Variants in MRE11 observed in about 807,000 individuals in gnomAD.
MRE11 encodes the protein MRE11 double strand break repair nuclease, also known as double-strand break repair protein MRE11.
A neutral mutation model predicts 91.7 loss-of-function variants in MRE11; 62 were observed. The ratio of observed to expected loss-of-function variants is 0.68; its 90% CI spans 0.55 to 0.84. The LOEUF (loss-of-function observed/expected upper bound fraction) is 0.84. Among genes scored for constraint, MRE11 ranks in the 40% least tolerant of loss-of-function variants. The pLI is 0.00. For missense variants in MRE11, 796 were observed against 852.9 expected, an observed-to-expected ratio of 0.93 and a Z score of 0.83; for synonymous variants, 273 against 271.4, an observed-to-expected ratio of 1.01 and a Z score of -0.06.
intron 18 of MRE11, among the ~76,000 whole-genome samples, chr11:94,432,204 C>T (rs1030385170): frequency 6.6e-6 from 1 of 152,138 alleles, no homozygotes; most frequent in South Asian, 2.1e-4. Flanking sequence ...AGTAAACCTT[C>T]GTGAGCTAAA....
intron 19 of MRE11, among the ~76,000 whole-genome samples, chr11:94,420,817 G>A (rs769982889): frequency 6.6e-6 from 1 of 152,154 alleles, no homozygotes; most frequent in Non-Finnish European, 1.5e-5. Context: ...TGGATCACGA[G>A]GTCAGGAGAT....
intron 11 of MRE11, among the ~76,000 whole-genome samples, chr11:94,463,480 A>G (rs1946475859): frequency 6.6e-6 from 1 of 152,236 alleles, no homozygotes; most frequent in Non-Finnish European, 1.5e-5. Context: ...ACACATGCAC[A>G]CATGTGTTTA....
At chr11:94,490,101 G>T (rs13447594) in intron 3 of MRE11, among the ~76,000 whole-genome samples, 49 of 152,130 alleles carry the variant, frequency 3.2e-4, no homozygotes, top group Non-Finnish European at 5.4e-4. Flanking sequence ...ATTATACTCC[G>T]CTGCCAAAAG....
At position 94,445,843 on chromosome 11, in the gene MRE11, C is replaced by T. The variant is rs371719012; in HGVS notation, c.1834G>A (p.Val612Met). 4.3e-6 allele frequency: 7 copies of T among 1,613,616 alleles called. No individual in the cohort carries two copies. In the East Asian group the frequency reaches 1.3e-4, roughly 31 times the overall value. ...ATAGACATATTTCTAGATGCTGACA[C>T]AGCAGTCTTTGAGTTCCTGCTACGG... The part of the protein sequence containing the change: ...STRSRNSKTA[V>M]SASRNMSIID... Residue 612 changes from valine to methionine, a missense_variant, in exon 16 of 20, where the codon GTG becomes ATG. By Grantham distance (21) the Val-to-Met change is conservative. Transcript: ENST00000323929.
chr11:94,504,624 AG>A, the MRE11 span, among the ~76,000 whole-genome samples: 42 of 152,358 alleles, frequency 2.8e-4, no homozygotes, highest in African/African-American at 8.7e-4. Context: ...AGGATACCAA[AG>A]TGGTTTTAGC....
chr11:94,498,681 G>A (rs1046654), upstream of MRE11: 76,303 of 677,896 alleles, frequency 0.11, 4,881 homozygotes, highest in East Asian at 0.16. Context: ...GCCTGACTTT[G>A]ATGTCAAAAT....
chr11:94,476,262 T>C (rs1457789125), intron 7 of MRE11, 27 bp downstream of exon 7: 1 of 1,517,006 alleles, frequency 6.6e-7, no homozygotes, highest in African/African-American at 1.4e-5. Context: ...AGCACTTGGC[T>C]CAAACTTTTT....
chr11:94,452,463 G>A (rs554498539), intron 14 of MRE11, among the ~76,000 whole-genome samples: 1 of 152,248 alleles, frequency 6.6e-6, no homozygotes, highest in Admixed American at 6.5e-5. Context: ...TACTAATGGT[G>A]AGAATATAAA....
At chr11:94,496,510 AG>A, upstream of MRE11, 1 of 545,652 alleles carries the variant, frequency 1.8e-6, no homozygotes, top group South Asian at 3.1e-5. Flanking sequence ...GAGTTTAGAC[AG>A]GGTTTAATTG....
chr11:94,454,256 T>C (rs1358370774), intron 14 of MRE11, among the ~76,000 whole-genome samples: 1 of 151,568 alleles, frequency 6.6e-6, no homozygotes, highest in Non-Finnish European at 1.5e-5. Flanking sequence ...GTATTTTTTG[T>C]AGAGATGGGG....
intron 16 of MRE11, among the ~76,000 whole-genome samples, chr11:94,438,939 T>G (rs535814830): frequency 2.0e-5 from 3 of 152,170 alleles, no homozygotes; most frequent in Non-Finnish European, 2.9e-5. Context: ...GTGGTACCCA[T>G]AGTGGTATAA....
chr11:94,460,372 G>T (rs996097894), intron 12 of MRE11, among the ~76,000 whole-genome samples: 3 of 152,226 alleles, frequency 2.0e-5, no homozygotes, highest in African/African-American at 7.2e-5. Context: ...TATGACGTAA[G>T]TTTCAGTGGC....
chr11:94,492,203 C>T (rs940104288), intron 2 of MRE11, among the ~76,000 whole-genome samples: 1 of 152,086 alleles, frequency 6.6e-6, no homozygotes, highest in Admixed American at 6.6e-5. Flanking sequence ...ATACTCCTGC[C>T]TCAGCCTCCT....
intron 4 of MRE11, among the ~76,000 whole-genome samples, chr11:94,483,586 C>T (rs1372771603): frequency 6.6e-6 from 1 of 152,224 alleles, no homozygotes; most frequent in Non-Finnish European, 1.5e-5. Flanking sequence ...TTGCCTTCAG[C>T]CACGATTGTG....
rs776033471 is a variant in MRE11, at chr11:94,478,868, T to C, written c.411A>G (p.Ala137=). ...GNHDDPTGAD[A]LCALDILSCA... ...AACTTAAAATGTCCAAGGCACAAAG[T>C]GCATCTGCCTATGCAAAATAATTTC... is the stretch of plus-strand genomic sequence containing the variant. Residue 137 remains alanine, a synonymous_variant, in exon 6 of 20, where the codon GCA becomes GCG. Transcript: ENST00000323929. 3 of 1,613,644 alleles carry C rather than the reference T, an allele frequency of 1.9e-6. No homozygotes were observed. Among genetic ancestry groups the C allele is most frequent in the Non-Finnish European group, 2.5e-6 (3 of 1,179,882 alleles).
rs541648539 is a variant in MRE11 at position 94,448,626 on chromosome 11, G to C, written c.1564-1188C>G. On this transcript the variant is annotated intron_variant, in intron 14 of 19. Coordinates refer to ENST00000323929, the MANE Select transcript of MRE11 (RefSeq NM_005591.4). ...ACCTTGCCTAAAAAAAAAATGAAAA[G>C]AAACGGAAGAATTAAGGAGAATATA... Among the ~76,000 whole-genome samples, 3 of 151,798 alleles carry C rather than the reference G, an allele frequency of 2.0e-5. No individual in the cohort carries two copies. In the East Asian group the frequency reaches 5.8e-4, roughly 29 times the overall value.
At chr11:94,420,477 A>C (rs976081641) in intron 19 of MRE11, among the ~76,000 whole-genome samples, 2 of 152,220 alleles carry the variant, frequency 1.3e-5, no homozygotes, top group African/African-American at 4.8e-5. Context: ...AAATAATTCA[A>C]GTCATTTTAT....
upstream of MRE11, chr11:94,494,130 C>T (rs942974813): frequency 2.0e-5 from 3 of 152,320 alleles, no homozygotes; most frequent in African/African-American, 7.2e-5. Flanking sequence ...CCTGTGGACA[C>T]AGGCCGAGCC....
chr11:94,487,373 C>T (rs1277394868), intron 3 of MRE11, among the ~76,000 whole-genome samples: 2 of 152,080 alleles, frequency 1.3e-5, no homozygotes, highest in African/African-American at 2.4e-5. Context: ...GTATTCTTGC[C>T]GAAAGTGCAG....
Sources: gnomAD v4.1 joint callset for allele counts (sites outside exome capture counted in the v4.1 genomes callset) on GRCh38, gnomAD v4.1.1 for gene constraint, MANE v1.5 for transcripts, NCBI Gene and HGNC (gene_info 2026-07-23, HGNC 2026-07-21) for gene names.